The following SYNJ2 variants were observed in gnomAD, a reference collection of about 807,000 sequenced individuals.
The protein encoded by SYNJ2 is polyphosphatidylinositol phosphatase SYNJ2.
A neutral mutation model predicts 141.3 loss-of-function variants in SYNJ2; 116 were observed. That is an observed-to-expected ratio of 0.82 (90% CI 0.71 to 0.96). SYNJ2 has a LOEUF of 0.96. SYNJ2 is among the 40% of genes least tolerant of loss of function. The pLI is 0.00. For synonymous variants in SYNJ2, 745 were observed against 777.7 expected, an observed-to-expected ratio of 0.96 and a Z score of 0.70; for missense variants, 1,873 against 1,934.8, an observed-to-expected ratio of 0.97 and a Z score of 0.60.
At chr6:157,989,077 A>C (rs1777314818) in intron 1 of SYNJ2, among the ~76,000 whole-genome samples, 3 of 152,238 alleles carry the variant, frequency 2.0e-5, no homozygotes, top group Admixed American at 2.0e-4. Context: ...GCTATTCTAC[A>C]TGCAGAAGTT....
rs1167419135 is a variant in SYNJ2, at chr6:157,982,101, C to CG, written c.127+18dup. On this transcript the variant is annotated intron_variant, in intron 1 of 26. Transcript: ENST00000355585. This position sits in a 1 kb window ranked among gnomAD's most constrained non-coding sequence, Gnocchi z 4.0. ...GTGGCCACGCTGGGTGAGTCCGGGC[C>CG]GGGGGCAGCGACGCCCGGAGGAGAG... is the stretch of plus-strand genomic sequence containing the variant. The CG allele has an allele frequency of 3.0e-6, 4 of 1,314,814 alleles. No individual in the cohort carries two copies. Among genetic ancestry groups the CG allele is most frequent in the Non-Finnish European group, 3.9e-6 (4 of 1,033,448 alleles). The allele number at this position is 1,314,814 out of a possible 1,614,324, so 81.4% of individuals were successfully genotyped here. A position where few individuals can be genotyped will look rare whatever the true frequency, so the allele number is the denominator to read the frequency against.
Position 158,071,511 on chromosome 6 carries a change from C to A in SYNJ2, c.1941-91C>A. The A allele has an allele frequency of 1.4e-6, 2 of 1,450,580 alleles. No homozygotes were observed. The highest frequency in any genetic ancestry group is 9.3e-7 in the Non-Finnish European group (1 of 1,071,086). 89.9% of individuals were successfully genotyped at this position (1,450,580 alleles called of 1,614,324 possible). A position where few individuals can be genotyped will look rare whatever the true frequency, so the allele number is the denominator to read the frequency against. The stretch of plus-strand genomic sequence containing the variant: ...TTTTGGAGCACTCAGAGCAGCAGGT[C>A]CCGAGCTGCTGCTGGGCCCTTCTCT... On this transcript the variant is annotated intron_variant, in intron 14 of 26. Coordinates refer to ENST00000355585, the MANE Select transcript of SYNJ2 (RefSeq NM_003898.4). The surrounding 1 kb of genome is among the most constrained non-coding windows in gnomAD (Gnocchi z 4.3).
Position 158,088,728 on chromosome 6 carries a change from A to C in SYNJ2, c.3412A>C (p.Ile1138Leu). The C allele has an allele frequency of 6.2e-7, 1 of 1,614,040 alleles. No homozygotes were observed. Among genetic ancestry groups the C allele is most frequent in the Non-Finnish European group, 8.5e-7 (1 of 1,179,986 alleles). ...ISSGTHGQYS[I>L]LQTARLLPGA... ...CTCCGGCACCCATGGACAGTATTCA[A>C]TTTTGCAGACGGCAAGACTTCTACC... The change falls in exon 24 of 27, where the codon ATT becomes CTT. Residue 1138 changes from isoleucine to leucine, a missense_variant. By Grantham distance (5) the Ile-to-Leu change is conservative (BLOSUM62 2). Transcript: ENST00000355585.
intron 3 of SYNJ2, chr6:158,030,436 G>C (rs1314959110): frequency 6.6e-6 from 1 of 152,616 alleles, no homozygotes; most frequent in Non-Finnish European, 1.5e-5. Flanking sequence ...ATCTGGCCTT[G>C]GTGCTTTGGA....
At chr6:158,087,081 T>C in intron 23 of SYNJ2, 92 bp downstream of exon 23, 1 of 1,447,618 alleles carries the variant, frequency 6.9e-7, no homozygotes, top group Non-Finnish European at 9.3e-7. Context: ...AATCCACTTC[T>C]CCCCGGCCTT....
chr6:158,058,598 T>G (rs1190605438), intron 6 of SYNJ2, among the ~76,000 whole-genome samples: 1 of 152,114 alleles, frequency 6.6e-6, no homozygotes, highest in African/African-American at 2.4e-5. Context: ...CCAAGCAAAA[T>G]AAGAGATTCA....
rs765257801 is a variant in SYNJ2 at position 158,078,274 on chromosome 6, G to C, written c.2560G>C (p.Asp854His). 2 of 1,609,344 alleles carry C rather than the reference G, an allele frequency of 1.2e-6. No homozygotes were observed. The highest frequency in any genetic ancestry group is 1.7e-6 in the Non-Finnish European group (2 of 1,175,894). The change falls in exon 18 of 27, where the codon GAT (aspartate) becomes CAT (histidine). Residue 854 changes from aspartate (D) to histidine (H), a missense_variant. Coordinates refer to ENST00000355585, the MANE Select transcript of SYNJ2 (RefSeq NM_003898.4). ...YYGRAELQAS[D>H]HRPVLAIVEV... Reference sequence around the variant, plus strand: ...TGGTCGTGCGGAGCTACAAGCGTCTGATCACAGGTGAGGTCCTGACTTCCA... The same window carrying C: ...TGGTCGTGCGGAGCTACAAGCGTCTCATCACAGGTGAGGTCCTGACTTCCA...
At position 158,033,613 on chromosome 6, in the gene SYNJ2, G is replaced by A. The variant is rs755691012; in HGVS notation, c.644G>A (p.Gly215Asp). The A allele has an allele frequency of 6.2e-7, 1 of 1,613,694 alleles. No homozygotes were observed. The highest frequency in any genetic ancestry group is 1.6e-4 in the Middle Eastern group (1 of 6,062). ...TCTCGCGTTAGCTGTGAGCGCACAG[G>A]CACTCGCTTCCACACCCGTGGCGTG... is the stretch of plus-strand genomic sequence containing the variant. ...LVSRVSCERT[G>D]TRFHTRGVND... Residue 215 changes from glycine to aspartate, a missense_variant, in exon 4 of 27, where the codon GGC becomes GAC. Physicochemically the swap from Gly to Asp is moderately conservative, Grantham distance 94. Transcript: ENST00000355585.
At chr6:158,000,112 A>G (rs1055403910) in intron 1 of SYNJ2, among the ~76,000 whole-genome samples, 3 of 104,240 alleles carry the variant, frequency 2.9e-5, no homozygotes, top group Admixed American at 1.3e-4. Flanking sequence ...TTGAGGCAGG[A>G]GCTAATTCTA....
chr6:158,068,026 C>T, intron 12 of SYNJ2: 5 of 978,840 alleles, frequency 5.1e-6, no homozygotes, highest in Non-Finnish European at 6.1e-6. Flanking sequence ...GGGGTAGACA[C>T]TAGCAGGCTC....
At chr6:158,081,602 T>C in intron 20 of SYNJ2, 92 bp downstream of exon 20, 1 of 301,926 alleles carries the variant, frequency 3.3e-6, no homozygotes, top group Admixed American at 5.0e-5. Flanking sequence ...CCCTGACCTG[T>C]GCCTTTTTTT....
intron 14 of SYNJ2, 102 bp downstream of exon 14, chr6:158,069,775 G>A (rs2128373079): frequency 1.4e-6 from 2 of 1,380,562 alleles, no homozygotes; most frequent in Non-Finnish European, 1.9e-6. Context: ...TTCTGTAACA[G>A]GAATCGGGAC....
At chr6:157,988,386 G>T (rs2128313964) in intron 1 of SYNJ2, among the ~76,000 whole-genome samples, 1 of 152,328 alleles carries the variant, frequency 6.6e-6, no homozygotes, top group Admixed American at 6.5e-5. Flanking sequence ...CGAGGTAGGA[G>T]GATAGAACCT....
chr6:157,982,184 G>A lies in SYNJ2; in HGVS notation c.127+96G>A, dbSNP rs1777039307. 4 of 1,239,966 alleles carry A rather than the reference G, an allele frequency of 3.2e-6. No individual in the cohort carries two copies. Among genetic ancestry groups the A allele is most frequent in the Non-Finnish European group, 4.0e-6 (4 of 989,060 alleles). 76.8% of individuals were successfully genotyped at this position (1,239,966 alleles called of 1,614,324 possible). On this transcript the variant is annotated intron_variant, in intron 1 of 26. Transcript: ENST00000355585. This position sits in a 1 kb window ranked among gnomAD's most constrained non-coding sequence, Gnocchi z 4.0. ...GGTACCCCCCCTTCCCGAGGGGATCGGGCGGCGCTGGGACTGCCGGGGCGT... is the reference window on the plus strand; with the variant it reads ...GGTACCCCCCCTTCCCGAGGGGATCAGGCGGCGCTGGGACTGCCGGGGCGT...
At chr6:158,072,339 C>T (rs904807988) in intron 15 of SYNJ2, among the ~76,000 whole-genome samples, 2 of 152,236 alleles carry the variant, frequency 1.3e-5, no homozygotes, top group African/African-American at 2.4e-5. Flanking sequence ...ACTGCCCTCT[C>T]GTGGCGGTCC....
chr6:158,028,527 G>T lies in SYNJ2; in HGVS notation c.215-229G>T, dbSNP rs529122631. The T allele has an allele frequency of 5.1e-6, 3 of 584,424 alleles. No individual in the cohort carries two copies. The East Asian group carries it at 8.7e-5, about 17-fold the overall frequency. 36.2% of individuals were successfully genotyped at this position (584,424 alleles called of 1,614,324 possible). ...TCTGCATGTCTAACAGGCTCCCAGG[G>T]GATGCTGACTTGCTGGCCAGGGTCC... On this transcript the variant is annotated intron_variant, in intron 2 of 26. Transcript: ENST00000355585.
chr6:158,073,192 A>G (rs4479967), intron 15 of SYNJ2, among the ~76,000 whole-genome samples: 106,203 of 151,936 alleles, frequency 0.7, 37,374 homozygotes, highest in East Asian at 0.88. Context: ...TTAACATTCT[A>G]CACTTCTTTT....
chr6:158,035,357 CA>C (rs1422180915), intron 4 of SYNJ2, among the ~76,000 whole-genome samples: 2 of 152,148 alleles, frequency 1.3e-5, no homozygotes, highest in Admixed American at 6.5e-5. Flanking sequence ...TTTCTTTGAG[CA>C]GTGTTTTGTA....
At chr6:158,023,281 GCAAA>G (rs1354817352) in intron 2 of SYNJ2, among the ~76,000 whole-genome samples, 43 of 136,576 alleles carry the variant, frequency 3.1e-4, no homozygotes, top group Middle Eastern at 3.6e-3. Context: ...AAAAAAAAAA[GCAAA>G]CAAACAAAAA....
Sources: allele counts gnomAD v4.1 joint callset (sites outside exome capture counted in the v4.1 genomes callset), GRCh38; gene constraint gnomAD v4.1.1; non-coding constraint Gnocchi (gnomAD v3.1); transcripts MANE v1.5; gene names NCBI Gene and HGNC (gene_info 2026-07-23, HGNC 2026-07-21).